The following IL1RAPL2 variants were observed in gnomAD, a reference collection of about 807,000 sequenced individuals.
IL1RAPL2 encodes X-linked interleukin-1 receptor accessory protein-like 2.
In IL1RAPL2, 3 loss-of-function variants were observed where a neutral mutation model predicts 44.1. That is an observed-to-expected ratio of 0.07 (90% CI 0.03 to 0.18). The LOEUF (loss-of-function observed/expected upper bound fraction) is 0.18, where lower values mean the gene tolerates loss of function less well. Ranked by LOEUF, IL1RAPL2 falls within the 10% of genes least tolerant of loss-of-function variation. The probability of loss-of-function intolerance (pLI) is 1.00; values close to 1 mark genes in which losing one functional copy is unlikely to be tolerated. For missense variants in IL1RAPL2, 391 were observed against 496.4 expected, an observed-to-expected ratio of 0.79 and a Z score of 2.02; for synonymous variants, 181 against 178.8, an observed-to-expected ratio of 1.01 and a Z score of -0.10.
intron 1 of IL1RAPL2, among the ~76,000 whole-genome samples, chrX:104,650,814 A>G (rs1041305507): frequency 3.6e-5 from 4 of 111,752 alleles, no homozygotes; most frequent in Non-Finnish European, 7.5e-5. Context: ...TATGACTCCC[A>G]TAGCATCTAA....
At chrX:105,735,436 T>A (rs1297872008) in intron 7 of IL1RAPL2, among the ~76,000 whole-genome samples, 1 of 111,388 alleles carries the variant, frequency 9.0e-6, no homozygotes, top group East Asian at 2.8e-4. Context: ...ATAATATCAA[T>A]ACTTGGAATG....
chrX:105,490,025 G>A (rs1164162480), intron 6 of IL1RAPL2, among the ~76,000 whole-genome samples: 3 of 109,856 alleles, frequency 2.7e-5, no homozygotes, highest in East Asian at 5.7e-4. Flanking sequence ...ATTGGGTTTC[G>A]CTGTGTTGGC....
intron 6 of IL1RAPL2, among the ~76,000 whole-genome samples, chrX:105,714,250 T>A (rs2038238649): frequency 8.9e-6 from 1 of 111,831 alleles, no homozygotes; most frequent in South Asian, 3.7e-4. Context: ...GATCAGACTT[T>A]CCCTACAGCT....
At chrX:105,545,850 T>C (rs2036792125) in intron 6 of IL1RAPL2, among the ~76,000 whole-genome samples, 1 of 112,031 alleles carries the variant, frequency 8.9e-6, no homozygotes, top group African/African-American at 3.2e-5. Context: ...CAAAATCTGC[T>C]TCTGAGAAGT....
At chrX:105,374,409 A>G (rs752205134) in intron 5 of IL1RAPL2, among the ~76,000 whole-genome samples, 1 of 110,248 alleles carries the variant, frequency 9.1e-6, no homozygotes, top group African/African-American at 3.3e-5. Flanking sequence ...AATAGCATTG[A>G]CTCTGTAGAT....
At chrX:104,818,407 G>A (rs1921205781) in intron 2 of IL1RAPL2, among the ~76,000 whole-genome samples, 1 of 107,979 alleles carries the variant, frequency 9.3e-6, no homozygotes, top group African/African-American at 3.4e-5. Flanking sequence ...TTGTGATCCA[G>A]GAATGTAATC....
intron 5 of IL1RAPL2, among the ~76,000 whole-genome samples, chrX:105,365,032 A>G (rs749046449): frequency 5.9e-4 from 66 of 111,764 alleles, no homozygotes; most frequent in African/African-American, 2.0e-3. Flanking sequence ...TGTTAGCTAT[A>G]GGCTTGACAT....
chrX:105,468,440 C>T (rs1048458195), intron 5 of IL1RAPL2, among the ~76,000 whole-genome samples: 10 of 9,531 alleles, frequency 1.0e-3, no homozygotes, highest in African/African-American at 4.4e-3. Context: ...AGTTTGGGAA[C>T]AGGGCTGGCC....
chrX:105,202,417 G>T (rs1479926426), intron 3 of IL1RAPL2, among the ~76,000 whole-genome samples: 1 of 112,135 alleles, frequency 8.9e-6, no homozygotes, highest in Non-Finnish European at 1.9e-5. Flanking sequence ...CCTAATGCAG[G>T]GTTGTAAACT....
intron 5 of IL1RAPL2, among the ~76,000 whole-genome samples, chrX:105,364,895 T>C (rs965794686): frequency 3.6e-5 from 4 of 111,907 alleles, no homozygotes; most frequent in Admixed American, 2.8e-4. Flanking sequence ...ATTTTATTTC[T>C]TTTTCTTGCC....
intron 6 of IL1RAPL2, among the ~76,000 whole-genome samples, chrX:105,588,977 CA>C (rs1350596945): frequency 9.0e-6 from 1 of 111,687 alleles, no homozygotes; most frequent in East Asian, 2.8e-4. Flanking sequence ...CTGCTTTCCA[CA>C]GAGATTGAAT....
intron 5 of IL1RAPL2, among the ~76,000 whole-genome samples, chrX:105,453,178 T>C (rs1049194160): frequency 4.5e-5 from 5 of 111,871 alleles, no homozygotes; most frequent in Admixed American, 3.8e-4. Flanking sequence ...TTGGTGAACG[T>C]CCATCAATCA....
intron 6 of IL1RAPL2, among the ~76,000 whole-genome samples, chrX:105,521,700 A>G (rs1245414644): frequency 8.9e-6 from 1 of 111,979 alleles, no homozygotes; most frequent in South Asian, 3.8e-4. Context: ...CCCTTCCACC[A>G]TGATTGTACA....
intron 6 of IL1RAPL2, among the ~76,000 whole-genome samples, chrX:105,696,550 C>A (rs1307187936): frequency 5.4e-5 from 6 of 111,481 alleles, no homozygotes; most frequent in Admixed American, 2.8e-4. Flanking sequence ...ACCCCCCCCA[C>A]AAAAGTAATA....
intron 1 of IL1RAPL2, among the ~76,000 whole-genome samples, chrX:104,623,357 A>C (rs187988444): frequency 9.0e-5 from 10 of 110,893 alleles, no homozygotes; most frequent in Middle Eastern, 4.7e-3. Flanking sequence ...CTCCAAACAC[A>C]CACTGCTATG....
At chrX:105,030,656 G>A (rs781474544) in intron 2 of IL1RAPL2, among the ~76,000 whole-genome samples, 1 of 111,825 alleles carries the variant, frequency 8.9e-6, no homozygotes, top group African/African-American at 3.2e-5. Context: ...TAGCCTTGTA[G>A]TGTAGTTTGA....
intron 6 of IL1RAPL2, among the ~76,000 whole-genome samples, chrX:105,689,621 G>T (rs2038017781): frequency 8.9e-6 from 1 of 112,023 alleles, no homozygotes. Context: ...CTGTTGGTGG[G>T]AGTGTAAACT....
chrX:105,164,781 C>T (rs1045487029), intron 2 of IL1RAPL2, among the ~76,000 whole-genome samples: 5 of 111,962 alleles, frequency 4.5e-5, no homozygotes, highest in African/African-American at 1.6e-4. Flanking sequence ...ATTATATACA[C>T]TCTCTGCCTT....
intron 5 of IL1RAPL2, among the ~76,000 whole-genome samples, chrX:105,421,774 GAA>G (rs1309344967): frequency 2.7e-5 from 3 of 111,675 alleles, no homozygotes; most frequent in Non-Finnish European, 5.7e-5. Flanking sequence ...ATTTTCTTCT[GAA>G]GTTTAAGTTG....
Sources: gnomAD v4.1 joint callset for allele counts (sites outside exome capture counted in the v4.1 genomes callset) on GRCh38, gnomAD v4.1.1 for gene constraint, MANE v1.5 for transcripts, NCBI Gene and HGNC (gene_info 2026-07-23, HGNC 2026-07-21) for gene names.